Variants in MYO1D observed in about 807,000 individuals in gnomAD.
MYO1D encodes myosin ID.
MYO1D carries 83 observed loss-of-function variants against 122.0 expected under a neutral mutation model. That is an observed-to-expected ratio of 0.68 (90% confidence interval 0.57 to 0.82). The LOEUF (loss-of-function observed/expected upper bound fraction) is 0.82. Ranked by LOEUF, MYO1D falls within the 40% of genes least tolerant of loss-of-function variation. The pLI, the probability that MYO1D is intolerant of heterozygous loss-of-function variation, is 0.00. For missense variants in MYO1D, 1,157 were observed against 1,269.5 expected, an observed-to-expected ratio of 0.91 and a Z score of 1.35; for synonymous variants, 464 against 446.9, an observed-to-expected ratio of 1.04 and a Z score of -0.48.
At chr17:32,630,826 G>T (rs1285747105) in intron 20 of MYO1D, among the ~76,000 whole-genome samples, 1 of 152,126 alleles carries the variant, frequency 6.6e-6, no homozygotes, top group Non-Finnish European at 1.5e-5. Context: ...ACCCGCCTCA[G>T]CCTCTCAAAG....
intron 17 of MYO1D, among the ~76,000 whole-genome samples, chr17:32,656,550 T>C (rs1432822035): frequency 6.6e-6 from 1 of 152,180 alleles, no homozygotes; most frequent in Non-Finnish European, 1.5e-5. Context: ...GCACATGGAA[T>C]GGCTGGCTGC....
intron 3 of MYO1D, among the ~76,000 whole-genome samples, chr17:32,777,493 C>A (rs1428219223): frequency 6.6e-6 from 1 of 152,054 alleles, no homozygotes; most frequent in East Asian, 1.9e-4. Context: ...AGTCTTGTTG[C>A]TTTATAGCTA....
At chr17:32,736,715 C>T (rs142143687) in intron 14 of MYO1D, among the ~76,000 whole-genome samples, 2 of 152,258 alleles carry the variant, frequency 1.3e-5, no homozygotes, top group African/African-American at 4.8e-5. Flanking sequence ...CAAAACAATT[C>T]TTTTTCTAGT....
chr17:32,806,743 T>G lies in MYO1D; in HGVS notation c.96-25959A>C, dbSNP rs138692496. ...TCTTCCGAGTAAGGATTATGTCATC[T>G]GTTACTATGTTTTTATAGCTCCAAG... On this transcript the variant is annotated intron_variant, in intron 1 of 21. Transcript: ENST00000318217. Among the ~76,000 whole-genome samples, 155 of 152,336 alleles carry G rather than the reference T, an allele frequency of 1.0e-3. 1 individual carries two copies. The East Asian group carries it at 0.021, about 21-fold the overall frequency.
chr17:32,611,721 C>T (rs1329333082), intron 20 of MYO1D, among the ~76,000 whole-genome samples: 1 of 152,164 alleles, frequency 6.6e-6, no homozygotes, highest in Non-Finnish European at 1.5e-5. Flanking sequence ...TGCCTATAGT[C>T]CCAGCTAATC....
rs56214129 is a variant in MYO1D, at chr17:32,560,528, C to CATATATAT, written c.2864+44551_2864+44558dup. Among the ~76,000 whole-genome samples the CATATATAT allele has an allele frequency of 5.5e-3, 359 of 65,238 alleles. 14 individuals are homozygous for CATATATAT. The highest frequency in any genetic ancestry group is 8.5e-3 in the Non-Finnish European group (263 of 30,926). 42.8% of individuals were successfully genotyped at this position (65,238 alleles called of 152,430 possible). On this transcript the variant is annotated intron_variant, in intron 21 of 21. Transcript: ENST00000318217. ...AAAAAAAAGTAATACCCAGAGACAA[C>CATATATAT]ATATATATATATATATATATATATA...
chr17:32,568,184 T>TCCAAA (rs1555626554), intron 21 of MYO1D, among the ~76,000 whole-genome samples: 5 of 43,984 alleles, frequency 1.1e-4, no homozygotes, highest in African/African-American at 3.7e-4. Context: ...TCTGCGTTAT[T>TCCAAA]ACAAAAAAAA....
intron 16 of MYO1D, among the ~76,000 whole-genome samples, chr17:32,673,779 C>T (rs773476379): frequency 3.9e-5 from 6 of 152,214 alleles, no homozygotes; most frequent in Non-Finnish European, 8.8e-5. Context: ...CCCAATGACA[C>T]ATTAGATGCT....
At chr17:32,835,773 A>C (rs2090816020) in intron 1 of MYO1D, among the ~76,000 whole-genome samples, 1 of 152,134 alleles carries the variant, frequency 6.6e-6, no homozygotes, top group African/African-American at 2.4e-5. Flanking sequence ...TTCTGAATTC[A>C]TCCTAGATTA....
intron 20 of MYO1D, among the ~76,000 whole-genome samples, chr17:32,607,803 GA>G (rs543545885): frequency 1.6e-4 from 23 of 147,472 alleles, no homozygotes; most frequent in African/African-American, 3.7e-4. Context: ...ATTTAGAAAG[GA>G]AAAAAAAAAC....
At chr17:32,819,613 CAAAA>C in intron 1 of MYO1D, among the ~76,000 whole-genome samples, 1 of 152,110 alleles carries the variant, frequency 6.6e-6, no homozygotes, top group African/African-American at 2.4e-5. Flanking sequence ...GCAATGACCC[CAAAA>C]AGGAATAAAA....
At position 32,523,738 on chromosome 17, in the gene MYO1D, C is replaced by T. The variant is rs192887009; in HGVS notation, c.2865-28823G>A. Among the ~76,000 whole-genome samples the T allele has an allele frequency of 2.1e-5, 3 of 141,436 alleles. No individual in the cohort carries two copies. The East Asian group carries it at 6.1e-4, about 29-fold the overall frequency. 92.8% of individuals were successfully genotyped at this position (141,436 alleles called of 152,430 possible). Reference sequence around the variant, plus strand: ...CCTGGGAAGTTGAGGCTGCAGTGAACGGTGATTGTACCACTGCACTCCAGC... The same window carrying T: ...CCTGGGAAGTTGAGGCTGCAGTGAATGGTGATTGTACCACTGCACTCCAGC... On this transcript the variant is annotated intron_variant, in intron 21 of 21. Coordinates refer to ENST00000318217, the MANE Select transcript of MYO1D (RefSeq NM_015194.3).
chr17:32,753,276 A>G (rs2089916100), intron 11 of MYO1D, among the ~76,000 whole-genome samples: 1 of 152,138 alleles, frequency 6.6e-6, no homozygotes, highest in Non-Finnish European at 1.5e-5. Flanking sequence ...GAAAAATTAC[A>G]TATTGGGTAC....
At chr17:32,551,822 T>C (rs2087017922) in intron 21 of MYO1D, among the ~76,000 whole-genome samples, 1 of 152,248 alleles carries the variant, frequency 6.6e-6, no homozygotes, top group Admixed American at 6.5e-5. Flanking sequence ...GTACAGAGCC[T>C]GGCACATTGT....
At chr17:32,680,840 T>A (rs2088903808) in intron 16 of MYO1D, among the ~76,000 whole-genome samples, 2 of 152,158 alleles carry the variant, frequency 1.3e-5, no homozygotes, top group Non-Finnish European at 2.9e-5. Context: ...CAGTTCCTCC[T>A]TGTACCTCTG....
At chr17:32,545,004 T>G (rs993929464) in intron 21 of MYO1D, among the ~76,000 whole-genome samples, 2 of 152,208 alleles carry the variant, frequency 1.3e-5, no homozygotes, top group East Asian at 3.8e-4. Flanking sequence ...CTTGTCCACC[T>G]GCCTTGCGTA....
intron 20 of MYO1D, among the ~76,000 whole-genome samples, chr17:32,611,610 G>A (rs1350551283): frequency 6.6e-6 from 1 of 152,230 alleles, no homozygotes; most frequent in Non-Finnish European, 1.5e-5. Context: ...AGGCCAAGAC[G>A]GGAGGATCAC....
intron 1 of MYO1D, among the ~76,000 whole-genome samples, chr17:32,822,629 G>A (rs1217482521): frequency 2.7e-5 from 4 of 148,916 alleles, no homozygotes; most frequent in Non-Finnish European, 6.0e-5. Flanking sequence ...GCCGGCCCCC[G>A]TCCCGGGGGG....
intron 21 of MYO1D, among the ~76,000 whole-genome samples, chr17:32,556,326 A>G (rs2087068428): frequency 6.6e-6 from 1 of 152,148 alleles, no homozygotes. Context: ...TCTGACACAG[A>G]CTGGATAGAG....
Sources: allele counts gnomAD v4.1 joint callset (sites outside exome capture counted in the v4.1 genomes callset), GRCh38; gene constraint gnomAD v4.1.1; transcripts MANE v1.5; gene names NCBI Gene and HGNC (gene_info 2026-07-23, HGNC 2026-07-21).